The following RPS6KA6 variants were observed in gnomAD, a reference collection of about 807,000 sequenced individuals.
RPS6KA6 encodes ribosomal protein S6 kinase alpha-6.
A neutral mutation model predicts 65.4 loss-of-function variants in RPS6KA6; 27 were observed. That is an observed-to-expected ratio of 0.41 (90% confidence interval 0.30 to 0.57). RPS6KA6 has a LOEUF of 0.57. RPS6KA6 is among the 20% of genes least tolerant of loss of function. The probability of loss-of-function intolerance (pLI) is 0.24; values close to 1 mark genes in which losing one functional copy is unlikely to be tolerated. For missense variants in RPS6KA6, 486 were observed against 555.6 expected (o/e 0.87, Z 1.26); for synonymous variants, 190 against 184.2 (o/e 1.03, Z -0.26).
intron 11 of RPS6KA6, among the ~76,000 whole-genome samples, chrX:84,116,702 C>G (rs1433518474): frequency 9.5e-6 from 1 of 104,773 alleles, no homozygotes; most frequent in East Asian, 3.0e-4. Context: ...AGAAAGGGGT[C>G]AAAAAAGTAG....
At chrX:84,161,912 T>C (rs1395516685) in intron 2 of RPS6KA6, among the ~76,000 whole-genome samples, 1 of 111,858 alleles carries the variant, frequency 8.9e-6, no homozygotes, top group Non-Finnish European at 1.9e-5. Flanking sequence ...TTTAAGATAT[T>C]GATAGCATTA....
At chrX:84,147,119 T>C (rs1279698679) in intron 4 of RPS6KA6, 61 bp from the exon 5 acceptor site, 5 of 621,545 alleles carry the variant, frequency 8.0e-6, no homozygotes, top group Non-Finnish European at 1.2e-5. Flanking sequence ...TAAGAGTCCA[T>C]CAATAATTTA....
intron 1 of RPS6KA6, among the ~76,000 whole-genome samples, chrX:84,168,165 A>G (rs2035626720): frequency 9.1e-6 from 1 of 109,992 alleles, no homozygotes; most frequent in Admixed American, 9.7e-5. Flanking sequence ...ATTTTACTCC[A>G]ATTTCCTTTG....
chrX:84,187,790 C>T (rs759603818), intron 1 of RPS6KA6, 29 bp downstream of exon 1: 11 of 1,186,291 alleles, frequency 9.3e-6, no homozygotes, highest in South Asian at 9.2e-5. Flanking sequence ...CGGGGGTTGG[C>T]TCCAGCCCGT....
intron 6 of RPS6KA6, among the ~76,000 whole-genome samples, chrX:84,137,747 G>A (rs780884766): frequency 5.4e-5 from 6 of 111,686 alleles, no homozygotes; most frequent in Non-Finnish European, 1.1e-4. Flanking sequence ...CTACTTTTTT[G>A]TGAATTATCA....
chrX:84,097,658 G>T, intron 19 of RPS6KA6, 114 bp downstream of exon 19: 1 of 452,854 alleles, frequency 2.2e-6, no homozygotes, highest in Non-Finnish European at 3.7e-6. Flanking sequence ...TTAATATTTT[G>T]AAATGTAAAT....
intron 20 of RPS6KA6, among the ~76,000 whole-genome samples, chrX:84,076,039 A>G (rs1402317057): frequency 8.9e-6 from 1 of 111,995 alleles, no homozygotes; most frequent in Admixed American, 9.5e-5. Context: ...AGAAAATATT[A>G]TAAGAAAAAC....
At chrX:84,131,831 G>T (rs1304020609) in intron 8 of RPS6KA6, among the ~76,000 whole-genome samples, 1 of 111,393 alleles carries the variant, frequency 9.0e-6, no homozygotes, top group Non-Finnish European at 1.9e-5. Flanking sequence ...GGTTATTTTG[G>T]GGGGTAGGTT....
intron 1 of RPS6KA6, among the ~76,000 whole-genome samples, chrX:84,168,660 T>C (rs1249436052): frequency 8.9e-6 from 1 of 112,108 alleles, no homozygotes; most frequent in Non-Finnish European, 1.9e-5. Context: ...GGATTATGCA[T>C]AGGAAGAGGA....
chrX:84,096,247 C>T lies in RPS6KA6; in HGVS notation c.1918G>A (p.Gly640Arg), dbSNP rs976900940. The T allele has an allele frequency of 8.3e-7, 1 of 1,201,684 alleles. No individual in the cohort carries two copies. Among genetic ancestry groups the T allele is most frequent in the Non-Finnish European group, 1.1e-6 (1 of 887,352 alleles). The change falls in exon 20 of 22, where the codon GGA (glycine) becomes AGA (arginine). Residue 640 changes from glycine (G) to arginine (R), a missense_variant. Gly to Arg is a moderately radical substitution (Grantham distance 125). Coordinates refer to ENST00000262752, the MANE Select transcript of RPS6KA6 (RefSeq NM_014496.5). ...PEEILLRIGN[G>R]KFSLSGGNWD... ...TTTCCACCACTCAAAGAGAATTTTC[C>T]ATTGCCTATACGCAGCAGTATCTCT...
In RPS6KA6 at chrX:84,104,650, T is replaced by A; in HGVS notation, c.1463A>T (p.Asp488Val). ...PNIITLKDVF[D>V]DGRYVYLVTD... The stretch of plus-strand genomic sequence containing the variant: ...AACAAGGTAAACATATCTACCATCA[T>A]CAAAGACCTACAAAAGAACGCAGTT... Residue 488 changes from aspartate to valine, a missense_variant, in exon 17 of 22, where the codon GAT becomes GTT. Transcript: ENST00000262752. 9.0e-7 allele frequency: 1 copy of A among 1,110,022 alleles called. No homozygotes were observed. Among genetic ancestry groups the A allele is most frequent in the Non-Finnish European group, 1.2e-6 (1 of 835,145 alleles). 91.5% of individuals were successfully genotyped at this position (1,110,022 alleles called of 1,213,427 possible). A position where few individuals can be genotyped will look rare whatever the true frequency, so the allele number is the denominator to read the frequency against.
chrX:84,150,617 A>G (rs987136234), intron 3 of RPS6KA6, among the ~76,000 whole-genome samples: 1 of 108,926 alleles, frequency 9.2e-6, no homozygotes, highest in African/African-American at 3.3e-5. Flanking sequence ...GAACACACAC[A>G]CCAGTTATCA....
intron 6 of RPS6KA6, among the ~76,000 whole-genome samples, chrX:84,143,976 CTA>C (rs1225644728): frequency 9.0e-6 from 1 of 111,167 alleles, no homozygotes; most frequent in Non-Finnish European, 1.9e-5. Flanking sequence ...AACTGGCTAT[CTA>C]TGTGAACAAA....
intron 20 of RPS6KA6, among the ~76,000 whole-genome samples, chrX:84,095,020 C>G (rs745497996): frequency 9.0e-6 from 1 of 111,549 alleles, no homozygotes; most frequent in Admixed American, 9.5e-5. Context: ...TATAAGGAAC[C>G]AAAGAAAGAT....
chrX:84,136,257 G>A (rs753944181), intron 6 of RPS6KA6, among the ~76,000 whole-genome samples: 2 of 110,993 alleles, frequency 1.8e-5, no homozygotes, highest in Non-Finnish European at 3.8e-5. Context: ...GAAACCTCTG[G>A]ATTATTAAGA....
At chrX:84,158,620 T>C (rs964951513) in intron 2 of RPS6KA6, among the ~76,000 whole-genome samples, 8 of 111,379 alleles carry the variant, frequency 7.2e-5, no homozygotes, top group African/African-American at 2.0e-4. Flanking sequence ...TCAGTATTTT[T>C]ATTACACTGT....
chrX:84,144,448 G>A (rs941114608), intron 6 of RPS6KA6, among the ~76,000 whole-genome samples: 21 of 111,142 alleles, frequency 1.9e-4, no homozygotes, highest in African/African-American at 6.5e-4. Context: ...AGTCATTAGT[G>A]TGATGTAATT....
At chrX:84,143,814 G>A (rs191309853) in intron 6 of RPS6KA6, among the ~76,000 whole-genome samples, 22 of 111,553 alleles carry the variant, frequency 2.0e-4, no homozygotes, top group African/African-American at 6.8e-4. Context: ...TTCAGACAGT[G>A]TGGTATTGTC....
chrX:84,140,077 G>A (rs2035067926), intron 6 of RPS6KA6, among the ~76,000 whole-genome samples: 1 of 111,752 alleles, frequency 8.9e-6, no homozygotes. Flanking sequence ...AGTATTCAGT[G>A]GAGAAATACT....
Sources: gnomAD v4.1 joint callset for allele counts (sites outside exome capture counted in the v4.1 genomes callset) on GRCh38, gnomAD v4.1.1 for gene constraint, MANE v1.5 for transcripts, NCBI Gene and HGNC (gene_info 2026-07-23, HGNC 2026-07-21) for gene names.